Variants in SYNE2 observed in about 807,000 individuals in gnomAD.
The protein encoded by SYNE2 is spectrin repeat containing nuclear envelope protein 2, also known as nesprin-2.
A neutral mutation model predicts 856.3 loss-of-function variants in SYNE2; 431 were observed. The ratio of observed to expected loss-of-function variants is 0.50; its 90% CI spans 0.47 to 0.55. The LOEUF (loss-of-function observed/expected upper bound fraction) is 0.55. Ranked by LOEUF, SYNE2 falls within the 20% of genes least tolerant of loss-of-function variation. The pLI is 0.00. For missense variants in SYNE2, 8,129 were observed against 8,023.2 expected (o/e 1.01, Z -0.50); for synonymous variants, 2,923 against 2,872.3 (o/e 1.02, Z -0.56).
chr14:64,091,564 A>C (rs2097614820), intron 60 of SYNE2, among the ~76,000 whole-genome samples: 1 of 152,204 alleles, frequency 6.6e-6, no homozygotes, highest in Admixed American at 6.5e-5. Context: ...TGGAACAAGA[A>C]TTTGAGTTTC....
intron 1 of SYNE2, among the ~76,000 whole-genome samples, chr14:63,766,778 CCT>C (rs1379077701): frequency 2.0e-5 from 3 of 152,164 alleles, no homozygotes; most frequent in Admixed American, 6.6e-5. Flanking sequence ...CTAAAGAAAA[CCT>C]CTCTGGGGAG....
At chr14:64,131,023 A>G (rs563476595) in intron 76 of SYNE2, among the ~76,000 whole-genome samples, 52 of 152,358 alleles carry the variant, frequency 3.4e-4, no homozygotes, top group African/African-American at 1.3e-3. Flanking sequence ...TTGATCACCA[A>G]CTAAAGATAA....
chr14:64,159,270 C>G (rs1595898702), intron 86 of SYNE2, 42 bp from the exon 87 acceptor site: 1 of 1,612,844 alleles, frequency 6.2e-7, no homozygotes, highest in Non-Finnish European at 8.5e-7. Flanking sequence ...TGGAAGTAGC[C>G]AGGCCATTCT....
Position 63,999,049 on chromosome 14 carries a change from C to A in SYNE2, c.3480+9C>A. 6.2e-7 allele frequency: 1 copy of A among 1,612,056 alleles called. No individual in the cohort carries two copies. The highest frequency in any genetic ancestry group is 1.1e-5 in the South Asian group (1 of 91,004). ...AACTGACAGATCTACAGGTAATTAC[C>A]AAAAATATTATTTCTCTGATTATCT... On this transcript the variant is annotated intron_variant, in intron 27 of 115. Transcript: ENST00000555002.
rs544716319 is a variant in SYNE2, at chr14:63,991,002, G to A, written c.2533G>A (p.Asp845Asn). The A allele has an allele frequency of 6.2e-7, 1 of 1,614,106 alleles. No homozygotes were observed. Among genetic ancestry groups the A allele is most frequent in the South Asian group, 1.1e-5 (1 of 91,080 alleles). ...CTTAACTGACGTTTCACCAGATTTGGACATCAGGCTGAAGATGGAAGAATC... is the reference window on the plus strand; with the variant it reads ...CTTAACTGACGTTTCACCAGATTTGAACATCAGGCTGAAGATGGAAGAATC... ...KNLTDVSPDL[D>N]IRLKMEESQK... Residue 845 changes from aspartate to asparagine, a missense_variant, in exon 21 of 116, where the codon GAC becomes AAC. This residue lies in a region of SYNE2 where 2,422 missense variants were observed against 2,357.4 expected (regional missense o/e 1.03). Coordinates refer to ENST00000555002, the MANE Select transcript of SYNE2 (RefSeq NM_182914.3).
intron 1 of SYNE2, among the ~76,000 whole-genome samples, chr14:63,846,856 C>G (rs897024424): frequency 2.6e-5 from 4 of 151,996 alleles, no homozygotes; most frequent in Admixed American, 2.6e-4. Context: ...CTCTGCCTCT[C>G]GAAGTGTTGG....
chr14:64,216,002 A>G, intron 107 of SYNE2: 1 of 1,428,814 alleles, frequency 7.0e-7, no homozygotes, highest in Non-Finnish European at 9.2e-7. Context: ...TGGCTCCAAA[A>G]CGCCACTCAT....
At chr14:63,770,682 C>CTA (rs1251194824) in intron 1 of SYNE2, among the ~76,000 whole-genome samples, 1 of 152,050 alleles carries the variant, frequency 6.6e-6, no homozygotes, top group Non-Finnish European at 1.5e-5. Flanking sequence ...CCCAGCTATT[C>CTA]AGGAGGCTGA....
chr14:63,952,110 CAG>C (rs1230696164), intron 7 of SYNE2, among the ~76,000 whole-genome samples: 2 of 152,160 alleles, frequency 1.3e-5, no homozygotes, highest in East Asian at 3.8e-4. Context: ...ATTTGTGAAA[CAG>C]ATGAATCAGG....
chr14:64,174,852 G>A lies in SYNE2; in HGVS notation c.17236-92G>A, dbSNP rs548737029. On this transcript the variant is annotated intron_variant, in intron 94 of 115. Transcript: ENST00000555002. ...AATTTATATCTAGTTTAACTCTTAA[G>A]AAAAGCTCTGAAGGAAATATACACA... is the stretch of plus-strand genomic sequence containing the variant. The A allele has an allele frequency of 1.7e-5, 21 of 1,223,402 alleles. No individual in the cohort carries two copies. The South Asian group carries it at 2.3e-4, about 13-fold the overall frequency. The allele number at this position is 1,223,402 out of a possible 1,614,324, so 75.8% of individuals were successfully genotyped here.
At position 64,044,177 on chromosome 14, in the gene SYNE2, G is replaced by A. The variant is rs368656676; in HGVS notation, c.7222-3823G>A. On this transcript the variant is annotated intron_variant, in intron 45 of 115. Transcript: ENST00000555002. Reference sequence around the variant, plus strand: ...CACAGGTGCAGAGCTGCCCAAGACCGTGGGAACCTACCCCTTGCATCAGCA... The same window carrying A: ...CACAGGTGCAGAGCTGCCCAAGACCATGGGAACCTACCCCTTGCATCAGCA... Among the ~76,000 whole-genome samples the A allele has an allele frequency of 2.3e-3, 353 of 152,296 alleles. 2 individuals are homozygous for A. Among genetic ancestry groups the A allele is most frequent in the African/African-American group, 4.6e-3 (191 of 41,560 alleles).
chr14:64,122,499 C>T (rs1421252556), intron 70 of SYNE2, 72 bp downstream of exon 70: 1 of 1,597,672 alleles, frequency 6.3e-7, no homozygotes, highest in Admixed American at 1.7e-5. Context: ...ATTAAATAAA[C>T]ATGTATATTC....
chr14:64,126,619 A>G lies in SYNE2; in HGVS notation c.13729A>G (p.Lys4577Glu). Residue 4577 changes from lysine (K) to glutamate (E), a missense_variant, in exon 73 of 116, where the codon AAA becomes GAA. By Grantham distance (56) the Lys-to-Glu change is moderately conservative. Coordinates refer to ENST00000555002, the MANE Select transcript of SYNE2 (RefSeq NM_182914.3). ...CCAGACGCTGGCTCTTGAGTTGAAG[A>G]AACTTTATTTAGCGCTAAGTGACAA... is the stretch of plus-strand genomic sequence containing the variant. ...HYETLALELK[K>E]LYLALSDKKG... is the part of the protein sequence containing the mutation. 1.2e-6 allele frequency: 2 copies of G among 1,614,190 alleles called. No homozygotes were observed. The highest frequency in any genetic ancestry group is 1.1e-5 in the South Asian group (1 of 91,082).
intron 64 of SYNE2, among the ~76,000 whole-genome samples, chr14:64,105,358 T>C (rs1420615878): frequency 6.6e-6 from 1 of 152,372 alleles, no homozygotes; most frequent in Admixed American, 6.5e-5. Context: ...TTTCTAATTT[T>C]ATCTAATCTC....
At chr14:63,766,245 A>T (rs1886681394) in intron 1 of SYNE2, among the ~76,000 whole-genome samples, 1 of 151,732 alleles carries the variant, frequency 6.6e-6, no homozygotes, top group South Asian at 2.1e-4. Context: ...CACCTGGCTA[A>T]TTTTTTGTAT....
intron 94 of SYNE2, chr14:64,174,099 C>T (rs910275550): frequency 5.7e-5 from 25 of 439,380 alleles, no homozygotes; most frequent in Non-Finnish European, 8.4e-5. Flanking sequence ...TGAGACAAAG[C>T]GTCACTCTGT....
chr14:63,803,001 T>G (rs1888209808), intron 1 of SYNE2, among the ~76,000 whole-genome samples: 1 of 152,112 alleles, frequency 6.6e-6, no homozygotes, highest in Non-Finnish European at 1.5e-5. Flanking sequence ...TTCCACAGTG[T>G]GGAAGGGCAC....
chr14:64,163,047 A>G (rs1282054443), intron 88 of SYNE2, among the ~76,000 whole-genome samples: 1 of 152,242 alleles, frequency 6.6e-6, no homozygotes, highest in African/African-American at 2.4e-5. Flanking sequence ...GGCAGGGGTC[A>G]GAGTTGCATT....
chr14:63,894,248 G>A (rs754523330), intron 1 of SYNE2, among the ~76,000 whole-genome samples: 22 of 150,402 alleles, frequency 1.5e-4, no homozygotes, highest in Non-Finnish European at 3.1e-4. Flanking sequence ...CCTGTGCCCA[G>A]GCTGGAATGC....
Sources: allele counts gnomAD v4.1 joint callset (sites outside exome capture counted in the v4.1 genomes callset), GRCh38; gene constraint gnomAD v4.1.1; regional missense constraint gnomAD v4.1.1; transcripts MANE v1.5; gene names NCBI Gene and HGNC (gene_info 2026-07-23, HGNC 2026-07-21).